SRGAP2C: variants seen among roughly 807,000 people sequenced by gnomAD.
SRGAP2C encodes the protein SLIT-ROBO Rho GTPase-activating protein 2C.
In SRGAP2C, 15 loss-of-function variants were observed where a neutral mutation model predicts 25.1. The ratio of observed to expected loss-of-function variants is 0.60; its 90% CI spans 0.40 to 0.92. The LOEUF (loss-of-function observed/expected upper bound fraction) is 0.92. Among genes scored for constraint, SRGAP2C ranks in the 40% least tolerant of loss-of-function variants. SRGAP2C has a pLI of 0.00. For synonymous variants in SRGAP2C, 44 were observed against 96.6 expected (o/e 0.46, Z 3.19); for missense variants, 144 against 264.4 (o/e 0.54, Z 3.16).
Position 121,310,825 on chromosome 1 carries a change from G to A in SRGAP2C, c.261-13653G>A, listed in dbSNP as rs1284847019. On this transcript the variant is annotated intron_variant, in intron 3 of 9. Transcript: ENST00000367123. The stretch of plus-strand genomic sequence containing the variant: ...GTACCATGCTGTTTTGCTTACTGTA[G>A]CCTTGTAGTATAGTTTGAAGTCAGG... Among the ~76,000 whole-genome samples the A allele has an allele frequency of 5.9e-3, 502 of 84,484 alleles. 112 individuals are homozygous for A. Among genetic ancestry groups the A allele is most frequent in the African/African-American group, 0.02 (468 of 23,962 alleles). 55.4% of individuals were successfully genotyped at this position (84,484 alleles called of 152,430 possible). A position where few individuals can be genotyped will look rare whatever the true frequency, so the allele number is the denominator to read the frequency against.
intron 2 of SRGAP2C, among the ~76,000 whole-genome samples, chr1:121,268,314 C>T (rs1397376075): frequency 1.3e-5 from 2 of 150,426 alleles, no homozygotes; most frequent in African/African-American, 4.9e-5. Context: ...TATGCAAAGG[C>T]CCTGAGGTGG....
chr1:121,198,592 TGTTTCTG>T (rs1654899132), intron 2 of SRGAP2C, among the ~76,000 whole-genome samples: 2 of 132,374 alleles, frequency 1.5e-5, no homozygotes. Context: ...AAATATGTCT[TGTTTCTG>T]AAGAGTTGGC....
chr1:121,365,914 G>A (rs1358098872), intron 5 of SRGAP2C, among the ~76,000 whole-genome samples: 2 of 145,640 alleles, frequency 1.4e-5, no homozygotes, highest in Admixed American at 6.9e-5. Flanking sequence ...CAGTGACGAG[G>A]CAGGCTGCGG....
Position 121,284,971 on chromosome 1 carries a change from G to T in SRGAP2C, c.236G>T (p.Arg79Leu), listed in dbSNP as rs1320142072. 2.6e-6 allele frequency: 4 copies of T among 1,541,840 alleles called. No homozygotes were observed. The highest frequency in any genetic ancestry group is 2.0e-5 in the Admixed American group (1 of 49,744). The change falls in exon 3 of 10, where the codon CGC becomes CTC. Residue 79 changes from arginine to leucine, a missense_variant. Transcript: ENST00000367123. ...KLAEHFLAKTRSTKDQQFKKD... is the reference protein window; with the variant it reads ...KLAEHFLAKTLSTKDQQFKKD... ...GCAGAACACTTCCTGGCCAAGACAC[G>T]CAGCACCAAGGACCAGCAATTCAAG... is the stretch of plus-strand genomic sequence containing the variant.
chr1:121,282,536 C>A (rs1207050191), intron 2 of SRGAP2C, among the ~76,000 whole-genome samples: 2 of 151,134 alleles, frequency 1.3e-5, no homozygotes, highest in Non-Finnish European at 1.5e-5. Flanking sequence ...CCTTTCCACC[C>A]TAAAAACGCC....
intron 2 of SRGAP2C, among the ~76,000 whole-genome samples, chr1:121,195,134 G>A (rs1386546858): frequency 6.6e-6 from 1 of 151,624 alleles, no homozygotes; most frequent in African/African-American, 2.4e-5. Context: ...GGCTTGGCTG[G>A]GTGTGGTGGC....
intron 2 of SRGAP2C, among the ~76,000 whole-genome samples, chr1:121,225,013 C>T (rs1553326315): frequency 1.1e-5 from 1 of 93,208 alleles, no homozygotes; most frequent in Non-Finnish European, 2.0e-5. Flanking sequence ...TAGTGTCCTT[C>T]AGACCTTCCT....
At chr1:121,314,780 C>T (rs1456740024) in intron 3 of SRGAP2C, among the ~76,000 whole-genome samples, 2 of 151,706 alleles carry the variant, frequency 1.3e-5, no homozygotes, top group African/African-American at 4.9e-5. Context: ...GCAGTCTGCC[C>T]GTTCTCAGAT....
chr1:121,385,722 C>A (rs1659945333), intron 8 of SRGAP2C, among the ~76,000 whole-genome samples: 1 of 150,844 alleles, frequency 6.6e-6, no homozygotes, highest in Admixed American at 6.5e-5. Context: ...CCACATGGGT[C>A]CTGCCTCCCA....
intron 2 of SRGAP2C, among the ~76,000 whole-genome samples, chr1:121,191,733 G>A (rs1309025372): frequency 2.0e-5 from 3 of 151,508 alleles, no homozygotes; most frequent in African/African-American, 4.9e-5. Context: ...CTTATTTAAG[G>A]CCCCTTTCCT....
chr1:121,198,293 TG>T (rs1163029609), intron 2 of SRGAP2C, among the ~76,000 whole-genome samples: 92 of 151,098 alleles, frequency 6.1e-4, no homozygotes, highest in Non-Finnish European at 9.9e-4. Flanking sequence ...TTTTTTTTTT[TG>T]TTTGTTTGTT....
intron 2 of SRGAP2C, among the ~76,000 whole-genome samples, chr1:121,235,013 CTT>C (rs1266378896): frequency 2.0e-5 from 3 of 149,482 alleles, no homozygotes; most frequent in Non-Finnish European, 4.4e-5. Flanking sequence ...CTTTCTTTCT[CTT>C]TTCTTTCTTT....
At chr1:121,270,893 C>A (rs28432319) in intron 2 of SRGAP2C, among the ~76,000 whole-genome samples, 1 of 149,318 alleles carries the variant, frequency 6.7e-6, no homozygotes, top group South Asian at 2.1e-4. Context: ...CCCGGGTTCA[C>A]GCCATTCTCC....
chr1:121,282,770 G>T (rs1395528128), intron 2 of SRGAP2C, among the ~76,000 whole-genome samples: 1 of 144,450 alleles, frequency 6.9e-6, no homozygotes, highest in Non-Finnish European at 1.5e-5. Flanking sequence ...ATGTTAGCCA[G>T]GATGGTCTCG....
intron 3 of SRGAP2C, among the ~76,000 whole-genome samples, chr1:121,310,557 G>C (rs1470706095): frequency 3.2e-5 from 1 of 30,982 alleles, no homozygotes; most frequent in Non-Finnish European, 5.8e-5. Context: ...TATGGTTTTA[G>C]GTCTAACGGT....
intron 4 of SRGAP2C, among the ~76,000 whole-genome samples, chr1:121,343,076 A>T (rs1254158778): frequency 6.6e-6 from 1 of 151,262 alleles, no homozygotes; most frequent in South Asian, 2.1e-4. Flanking sequence ...TGTTCATTAG[A>T]CTCATATCAA....
chr1:121,208,724 G>C (rs1553322960), intron 2 of SRGAP2C, among the ~76,000 whole-genome samples: 1 of 151,720 alleles, frequency 6.6e-6, no homozygotes, highest in Admixed American at 6.6e-5. Flanking sequence ...GTTTATCGTT[G>C]TTTTCTAGCA....
chr1:121,389,162 A>C lies in SRGAP2C; in HGVS notation c.*1307A>C, dbSNP rs1349885192. On this transcript the variant is annotated 3_prime_UTR_variant, in exon 10 of 10. Coordinates refer to ENST00000367123, the MANE Select transcript of SRGAP2C (RefSeq NM_001329984.2). ...ATATTCTTTAAGCATATTTATGAGT[A>C]AAATATTAAAACCTATACAAAAAAA... 1 of 152,188 alleles carries C rather than the reference A, an allele frequency of 6.6e-6. No individual in the cohort carries two copies. Among genetic ancestry groups the C allele is most frequent in the African/African-American group, 2.4e-5 (1 of 41,462 alleles). The allele number at this position is 152,188 out of a possible 1,614,324, so 9.4% of individuals were successfully genotyped here. A position where few individuals can be genotyped will look rare whatever the true frequency, so the allele number is the denominator to read the frequency against.
chr1:121,368,060 A>G (rs1345048035), intron 5 of SRGAP2C, among the ~76,000 whole-genome samples: 2 of 96,884 alleles, frequency 2.1e-5, no homozygotes, highest in Non-Finnish European at 2.1e-5. Context: ...TGGGCAACAG[A>G]GCGAGACTCT....
Sources: allele counts gnomAD v4.1 joint callset (sites outside exome capture counted in the v4.1 genomes callset), GRCh38; gene constraint gnomAD v4.1.1; transcripts MANE v1.5; gene names NCBI Gene and HGNC (gene_info 2026-07-23, HGNC 2026-07-21).